The following KIAA0825 variants were observed in gnomAD, a reference collection of about 807,000 sequenced individuals.
KIAA0825 encodes the protein KIAA0825, also known as uncharacterized protein KIAA0825.
A neutral mutation model predicts 147.6 loss-of-function variants in KIAA0825; 119 were observed. The observed-to-expected ratio is 0.81, with a 90% CI of 0.69 to 0.94. KIAA0825 has a LOEUF of 0.94. Ranked by LOEUF, KIAA0825 falls within the 40% of genes least tolerant of loss-of-function variation. KIAA0825 has a pLI of 0.00. For synonymous variants in KIAA0825, 470 were observed against 518.1 expected (o/e 0.91, Z 1.26); for missense variants, 1,381 against 1,472.7 (o/e 0.94, Z 1.02).
chr5:94,359,849 C>G (rs936149756), intron 20 of KIAA0825, among the ~76,000 whole-genome samples: 4 of 152,172 alleles, frequency 2.6e-5, no homozygotes, highest in Non-Finnish European at 5.9e-5. Flanking sequence ...ATTCCATATA[C>G]TAATGGTGGG....
intron 11 of KIAA0825, among the ~76,000 whole-genome samples, chr5:94,463,112 A>C (rs9314113): frequency 0.14 from 21,849 of 151,636 alleles, 1,892 homozygotes; most frequent in Non-Finnish European, 0.19. Flanking sequence ...TTTAATATTA[A>C]ATAAATTTGT....
chr5:94,562,754 A>G (rs894728239), intron 2 of KIAA0825, among the ~76,000 whole-genome samples: 7 of 152,224 alleles, frequency 4.6e-5, no homozygotes, highest in Admixed American at 2.6e-4. Flanking sequence ...TATCAGACCA[A>G]TGACTGTAAT....
Position 94,341,622 on chromosome 5 carries a change from C to G in KIAA0825, c.3710+42746G>C, listed in dbSNP as rs543849765. Among the ~76,000 whole-genome samples, 30 of 152,246 alleles carry G rather than the reference C, an allele frequency of 2.0e-4. No homozygotes were observed. The South Asian group carries it at 2.7e-3, about 14-fold the overall frequency. On this transcript the variant is annotated intron_variant, in intron 20 of 20. Coordinates refer to ENST00000682413, the MANE Select transcript of KIAA0825 (RefSeq NM_001145678.3). ...GATGTGTTAGCATTTTCATGCAGCT[C>G]TCTTTATGCCTATCCTTTTCCAAAT...
intron 20 of KIAA0825, among the ~76,000 whole-genome samples, chr5:94,275,437 T>C (rs1242452820): frequency 3.9e-5 from 6 of 152,162 alleles, no homozygotes; most frequent in Non-Finnish European, 1.5e-5. Context: ...ATAGCCTATA[T>C]TATCTTGTTC....
In KIAA0825 at chr5:94,228,988, C is replaced by T. The variant is rs369253556; in HGVS notation, c.3711-74864G>A. Among the ~76,000 whole-genome samples, 7 of 152,290 alleles carry T rather than the reference C, an allele frequency of 4.6e-5. No homozygotes were observed. The East Asian group carries it at 5.8e-4, about 13-fold the overall frequency. ...TCCAAGGATGAGAGAACCAGTTTCC[C>T]CACATTTATAACCCATTCACAGCTC... On this transcript the variant is annotated intron_variant, in intron 20 of 20. Transcript: ENST00000682413.
At chr5:94,564,960 T>TCCTTTTCTTTTTCTTC (rs1778345623) in intron 2 of KIAA0825, among the ~76,000 whole-genome samples, 1 of 149,602 alleles carries the variant, frequency 6.7e-6, no homozygotes, top group Non-Finnish European at 1.5e-5. Context: ...TTCTTTTCTT[T>TCCTTTTCTTTTTCTTC]TCTTTTCTTT....
intron 2 of KIAA0825, among the ~76,000 whole-genome samples, chr5:94,545,282 T>C (rs1196337188): frequency 6.6e-6 from 1 of 152,116 alleles, no homozygotes; most frequent in Non-Finnish European, 1.5e-5. Context: ...GAGTCTAGGA[T>C]ACAAGGATGG....
intron 13 of KIAA0825, among the ~76,000 whole-genome samples, chr5:94,452,510 T>C (rs769709908): frequency 6.6e-6 from 1 of 152,220 alleles, no homozygotes; most frequent in African/African-American, 2.4e-5. Flanking sequence ...TTTCATACTT[T>C]AAATGATTTT....
chr5:94,208,796 C>T (rs1772438622), intron 20 of KIAA0825, among the ~76,000 whole-genome samples: 1 of 152,156 alleles, frequency 6.6e-6, no homozygotes, highest in Admixed American at 6.5e-5. Context: ...ATAGCTTGTC[C>T]AAGAGGGAGA....
chr5:94,617,031 C>A (rs1309382756), intron 1 of KIAA0825, among the ~76,000 whole-genome samples: 2 of 152,092 alleles, frequency 1.3e-5, no homozygotes, highest in Admixed American at 1.3e-4. Flanking sequence ...CTTTGGGTCT[C>A]AGTATAAAAT....
chr5:94,454,060 C>T (rs1584537345), intron 12 of KIAA0825, among the ~76,000 whole-genome samples: 1 of 152,146 alleles, frequency 6.6e-6, no homozygotes, highest in African/African-American at 2.4e-5. Flanking sequence ...CGGCTATCAA[C>T]AGTTACTGTA....
At chr5:94,289,443 G>C (rs1389014345) in intron 20 of KIAA0825, among the ~76,000 whole-genome samples, 2 of 150,964 alleles carry the variant, frequency 1.3e-5, no homozygotes, top group East Asian at 3.9e-4. Flanking sequence ...GCTGAGACAG[G>C]AGAATCACTT....
At chr5:94,413,253 T>G (rs368027878) in intron 15 of KIAA0825, 2 of 151,998 alleles carry the variant, frequency 1.3e-5, no homozygotes, top group Non-Finnish European at 2.9e-5. Context: ...CTTGGCCGAG[T>G]ATATGGATTT....
At chr5:94,393,727 CA>C (rs1172037897) in intron 17 of KIAA0825, among the ~76,000 whole-genome samples, 29 of 152,120 alleles carry the variant, frequency 1.9e-4, no homozygotes, top group African/African-American at 7.0e-4. Flanking sequence ...TTTTGAAATA[CA>C]TTTTTCCTCA....
chr5:94,560,818 T>C (rs1777419835), intron 2 of KIAA0825, among the ~76,000 whole-genome samples: 1 of 152,220 alleles, frequency 6.6e-6, no homozygotes, highest in African/African-American at 2.4e-5. Context: ...CATCTTGTGG[T>C]ATAATTATAT....
chr5:94,542,671 A>G (rs1773569604), intron 2 of KIAA0825, among the ~76,000 whole-genome samples: 2 of 151,986 alleles, frequency 1.3e-5, no homozygotes, highest in Non-Finnish European at 2.9e-5. Flanking sequence ...GCCGAGCATG[A>G]TGGTGGGTGC....
intron 20 of KIAA0825, among the ~76,000 whole-genome samples, chr5:94,341,260 G>A (rs1439886855): frequency 6.6e-6 from 1 of 152,148 alleles, no homozygotes; most frequent in Non-Finnish European, 1.5e-5. Context: ...CAGACAGAGA[G>A]TTTTGTTTAA....
chr5:94,516,309 A>AT lies in KIAA0825; in HGVS notation c.970+3938dup, dbSNP rs70978112. 7.6e-3 allele frequency among the ~76,000 whole-genome samples: 1,158 copies of AT among 152,306 alleles called. 4 individuals carry two copies. Among genetic ancestry groups the AT allele is most frequent in the Middle Eastern group, 0.051 (15 of 294 alleles). ...ATCATCCAAAAGGCCAACTGGTAGA[A>AT]TAACATAGCACAGCATAGCACAAAT... On this transcript the variant is annotated intron_variant, in intron 5 of 20. Transcript: ENST00000682413.
At chr5:94,208,575 A>G (rs1016356787) in intron 20 of KIAA0825, among the ~76,000 whole-genome samples, 10 of 152,182 alleles carry the variant, frequency 6.6e-5, no homozygotes, top group Admixed American at 6.6e-4. Context: ...CACAAACAAA[A>G]GGCTAAGACA....
Sources: allele counts gnomAD v4.1 joint callset (sites outside exome capture counted in the v4.1 genomes callset), GRCh38; gene constraint gnomAD v4.1.1; transcripts MANE v1.5; gene names NCBI Gene and HGNC (gene_info 2026-07-23, HGNC 2026-07-21).